Variants in CTNNA2 observed in about 807,000 individuals in gnomAD.
CTNNA2 encodes catenin alpha-2.
CTNNA2 carries 42 observed loss-of-function variants against 101.0 expected under a neutral mutation model. That is an observed-to-expected ratio of 0.42 (90% confidence interval 0.32 to 0.54). The LOEUF (loss-of-function observed/expected upper bound fraction) is 0.54. CTNNA2 is among the 20% of genes least tolerant of loss of function. The pLI is 0.14. For missense variants in CTNNA2, 871 were observed against 1,223.1 expected (o/e 0.71, Z 4.29); for synonymous variants, 450 against 456.4 (o/e 0.99, Z 0.18).
intron 9 of CTNNA2, among the ~76,000 whole-genome samples, chr2:80,528,744 T>A (rs1690260880): frequency 6.6e-6 from 1 of 152,218 alleles, no homozygotes; most frequent in Non-Finnish European, 1.5e-5. Context: ...GCTTTTTTCT[T>A]CAAAGTAGAC....
At chr2:79,657,342 G>A (rs1204990937) in intron 2 of CTNNA2, among the ~76,000 whole-genome samples, 1 of 151,794 alleles carries the variant, frequency 6.6e-6, no homozygotes, top group Non-Finnish European at 1.5e-5. Flanking sequence ...AACATCTAAA[G>A]GAAGGGAATC....
chr2:80,052,576 T>C lies in CTNNA2; in HGVS notation c.1056+142779T>C, dbSNP rs568697240. Among the ~76,000 whole-genome samples, 4 of 152,330 alleles carry C rather than the reference T, an allele frequency of 2.6e-5. No homozygotes were observed. In the South Asian group the frequency reaches 6.2e-4, roughly 24 times the overall value. ...TTTGAAAACTTTCTATAAAATGAAA[T>C]TGGTATAGTGTGTTGGTGAAGCTCT... is the stretch of plus-strand genomic sequence containing the variant. On this transcript the variant is annotated intron_variant, in intron 7 of 18. Transcript: ENST00000402739.
intron 3 of CTNNA2, among the ~76,000 whole-genome samples, chr2:79,832,360 C>G (rs1284046152): frequency 6.6e-6 from 1 of 152,172 alleles, no homozygotes; most frequent in African/African-American, 2.4e-5. Context: ...ATCCTGTGCT[C>G]TGGATTTTCG....
At chr2:80,524,716 T>A (rs1573130230) in intron 9 of CTNNA2, among the ~76,000 whole-genome samples, 1 of 152,112 alleles carries the variant, frequency 6.6e-6, no homozygotes, top group African/African-American at 2.4e-5. Context: ...GTCTGCCTTG[T>A]TGTAAGCCTA....
At chr2:79,908,038 A>G (rs1035918910) in intron 6 of CTNNA2, among the ~76,000 whole-genome samples, 1 of 152,214 alleles carries the variant, frequency 6.6e-6, no homozygotes, top group African/African-American at 2.4e-5. Context: ...ACACCCTAGG[A>G]TGCTTTGGAG....
intron 9 of CTNNA2, among the ~76,000 whole-genome samples, chr2:80,455,570 A>G (rs1250323204): frequency 6.6e-6 from 1 of 152,192 alleles, no homozygotes; most frequent in Non-Finnish European, 1.5e-5. Context: ...TCATCACCTT[A>G]TCTTTTGTAC....
At chr2:79,512,564 TC>T (rs1276167161), upstream of CTNNA2, among the ~76,000 whole-genome samples, 10 of 141,014 alleles carry the variant, frequency 7.1e-5, no homozygotes, top group Admixed American at 6.3e-4. Context: ...GACACCCCTA[TC>T]CCCCCCGCCC....
chr2:79,644,260 G>A (rs996217802), intron 1 of CTNNA2, among the ~76,000 whole-genome samples: 1 of 151,992 alleles, frequency 6.6e-6, no homozygotes, highest in Non-Finnish European at 1.5e-5. Context: ...GGCTGGTCTC[G>A]AACTCCTGAC....
At chr2:80,591,103 C>T (rs139160222) in intron 15 of CTNNA2, among the ~76,000 whole-genome samples, 4 of 152,146 alleles carry the variant, frequency 2.6e-5, no homozygotes, top group African/African-American at 9.6e-5. Context: ...TTATAATTCT[C>T]TAGATTATAT....
Position 80,496,602 on chromosome 2 carries a change from A to G in CTNNA2, c.1291-48380A>G, listed in dbSNP as rs569243250. Among the ~76,000 whole-genome samples, 171 of 151,998 alleles carry G rather than the reference A, an allele frequency of 1.1e-3. 3 individuals are homozygous for G. Among genetic ancestry groups the G allele is most frequent in the African/African-American group, 4.0e-3 (165 of 41,464 alleles). ...TCTGGATAAAACCATTTTTCTGGTC[A>G]GGGTAAAGATGAAAAACAATGGCTG... On this transcript the variant is annotated intron_variant, in intron 9 of 18. Transcript: ENST00000402739.
chr2:79,577,985 G>A (rs538770193), intron 1 of CTNNA2, among the ~76,000 whole-genome samples: 15 of 152,254 alleles, frequency 9.9e-5, no homozygotes, highest in African/African-American at 3.1e-4. Flanking sequence ...AAGCTCATAC[G>A]TGTGAATGTT....
At chr2:79,491,025 C>G (rs1671202967) in intron 4 of CTNNA2, among the ~76,000 whole-genome samples, 1 of 152,080 alleles carries the variant, frequency 6.6e-6, no homozygotes, top group Non-Finnish European at 1.5e-5. Flanking sequence ...AGCTTCCCAT[C>G]AAAGCACAGT....
At chr2:79,849,913 G>A (rs531579818) in intron 3 of CTNNA2, among the ~76,000 whole-genome samples, 3 of 152,158 alleles carry the variant, frequency 2.0e-5, no homozygotes, top group South Asian at 2.1e-4. Flanking sequence ...TCCTCCTCTC[G>A]ACAGCATTCC....
In CTNNA2 at chr2:79,541,433, T is replaced by A. The variant is rs62141450; in HGVS notation, c.-6+28226T>A. 6.4e-5 allele frequency among the ~76,000 whole-genome samples: 7 copies of A among 108,814 alleles called. No homozygotes were observed. The South Asian group carries it at 1.3e-3, about 20-fold the overall frequency. 71.4% of individuals were successfully genotyped at this position (108,814 alleles called of 152,430 possible). On this transcript the variant is annotated intron_variant, in intron 1 of 18. Coordinates refer to ENST00000402739, the MANE Select transcript of CTNNA2 (RefSeq NM_001282597.3). ...ATACACACACGCACACACACATATATATATATATATATATATATATATATA... is the reference window on the plus strand; with the variant it reads ...ATACACACACGCACACACACATATAAATATATATATATATATATATATATA...
intron 2 of CTNNA2, among the ~76,000 whole-genome samples, chr2:79,655,138 G>A (rs1194054120): frequency 6.6e-6 from 1 of 152,140 alleles, no homozygotes; most frequent in Non-Finnish European, 1.5e-5. Flanking sequence ...GAGATATGTT[G>A]GAGTCAGAAC....
At chr2:79,586,840 T>A (rs1676526790) in intron 1 of CTNNA2, among the ~76,000 whole-genome samples, 1 of 151,410 alleles carries the variant, frequency 6.6e-6, no homozygotes, top group Admixed American at 6.6e-5. Context: ...TCCTTCTGAG[T>A]CCTCAGAGTT....
chr2:79,636,084 AC>A (rs1477264419), intron 1 of CTNNA2, among the ~76,000 whole-genome samples: 1 of 136,098 alleles, frequency 7.3e-6, no homozygotes, highest in Non-Finnish European at 1.5e-5. Flanking sequence ...ACACGGTGAA[AC>A]CCCATCTCTA....
At chr2:79,952,124 G>A (rs1234078068) in intron 7 of CTNNA2, among the ~76,000 whole-genome samples, 2 of 152,204 alleles carry the variant, frequency 1.3e-5, no homozygotes, top group East Asian at 3.9e-4. Context: ...CCCAACCCTA[G>A]TAAAAGTAAA....
intron 7 of CTNNA2, among the ~76,000 whole-genome samples, chr2:80,196,067 G>A (rs1046168878): frequency 6.6e-6 from 1 of 152,194 alleles, no homozygotes; most frequent in Non-Finnish European, 1.5e-5. Context: ...TGGCAGGGTA[G>A]TGAAATTATG....
Sources: allele counts gnomAD v4.1 joint callset (sites outside exome capture counted in the v4.1 genomes callset), GRCh38; gene constraint gnomAD v4.1.1; transcripts MANE v1.5; gene names NCBI Gene and HGNC (gene_info 2026-07-23, HGNC 2026-07-21).